RBFOX1: variants seen among roughly 807,000 people sequenced by gnomAD.
RBFOX1 encodes RNA binding protein fox-1 homolog 1.
Under a neutral mutation model 57.7 loss-of-function variants are expected in RBFOX1, and 8 were observed. That is an observed-to-expected ratio of 0.14 (90% CI 0.08 to 0.25). The LOEUF (loss-of-function observed/expected upper bound fraction) is 0.25. Ranked by LOEUF, RBFOX1 falls within the 10% of genes least tolerant of loss-of-function variation. RBFOX1 has a pLI of 1.00. For synonymous variants in RBFOX1, 326 were observed against 222.4 expected (o/e 1.47, Z -4.15); for missense variants, 611 against 548.5 (o/e 1.11, Z -1.14).
chr16:7,445,868 C>G (rs2098803898), intron 4 of RBFOX1, among the ~76,000 whole-genome samples: 1 of 152,172 alleles, frequency 6.6e-6, no homozygotes, highest in Admixed American at 6.5e-5. Context: ...TAATAAATGT[C>G]TGTTGAATGC....
At chr16:7,467,171 C>T (rs747473624) in intron 4 of RBFOX1, among the ~76,000 whole-genome samples, 1 of 152,206 alleles carries the variant, frequency 6.6e-6, no homozygotes, top group South Asian at 2.1e-4. Context: ...AATCAGACTT[C>T]TTTGCATCCC....
In RBFOX1 at chr16:6,979,572, C is replaced by T. The variant is rs539789734; in HGVS notation, c.-15-72485C>T. Among the ~76,000 whole-genome samples, 5 of 152,296 alleles carry T rather than the reference C, an allele frequency of 3.3e-5. No individual in the cohort carries two copies. In the South Asian group the frequency reaches 1.0e-3, roughly 32 times the overall value. ...AATGCTTTTGCAAAAGAAGAGATAG[C>T]AGGATTGCAGCACAGTACAGGGGTG... On this transcript the variant is annotated intron_variant, in intron 3 of 15. Coordinates refer to ENST00000550418, the MANE Select transcript of RBFOX1 (RefSeq NM_018723.4).
At chr16:7,082,957 C>T (rs1354435742) in intron 4 of RBFOX1, among the ~76,000 whole-genome samples, 1 of 151,974 alleles carries the variant, frequency 6.6e-6, no homozygotes, top group Non-Finnish European at 1.5e-5. Context: ...AGCTCTGGAC[C>T]TACCAGCCTG....
At chr16:5,899,761 T>C (rs1396995710) in intron 4 of RBFOX1, among the ~76,000 whole-genome samples, 1 of 152,206 alleles carries the variant, frequency 6.6e-6, no homozygotes, top group Non-Finnish European at 1.5e-5. Context: ...TGAATGGGCA[T>C]GCTGAAAGCT....
chr16:6,862,081 A>G (rs1305456720), intron 3 of RBFOX1, among the ~76,000 whole-genome samples: 5 of 152,164 alleles, frequency 3.3e-5, no homozygotes, highest in Admixed American at 2.0e-4. Flanking sequence ...TTCGATGAGA[A>G]GATGTCATTG....
At chr16:6,988,858 C>T (rs1158132086) in intron 3 of RBFOX1, among the ~76,000 whole-genome samples, 1 of 151,496 alleles carries the variant, frequency 6.6e-6, no homozygotes, top group Non-Finnish European at 1.5e-5. Context: ...TGCATCCTCT[C>T]CCTCCTGGGT....
intron 2 of RBFOX1, among the ~76,000 whole-genome samples, chr16:6,477,739 T>C: frequency 6.6e-6 from 1 of 152,248 alleles, no homozygotes; most frequent in Non-Finnish European, 1.5e-5. Flanking sequence ...CTATGAAAGT[T>C]ATAGATACCA....
chr16:7,343,118 C>T (rs944016977), intron 4 of RBFOX1, among the ~76,000 whole-genome samples: 1 of 152,078 alleles, frequency 6.6e-6, no homozygotes, highest in Non-Finnish European at 1.5e-5. Flanking sequence ...CCACCCACAC[C>T]CCTGTTCCAT....
intron 2 of RBFOX1, among the ~76,000 whole-genome samples, chr16:5,493,119 C>G (rs1282745918): frequency 1.3e-5 from 2 of 152,158 alleles, no homozygotes; most frequent in African/African-American, 4.8e-5. Context: ...ACTGTATAGC[C>G]CTTTACAGAA....
intron 4 of RBFOX1, among the ~76,000 whole-genome samples, chr16:7,182,096 A>C (rs1379237468): frequency 6.6e-6 from 1 of 152,182 alleles, no homozygotes; most frequent in Non-Finnish European, 1.5e-5. Context: ...TGTTCATGAC[A>C]GTTCTTTAGT....
chr16:5,680,126 A>G (rs760485101), intron 3 of RBFOX1, among the ~76,000 whole-genome samples: 2 of 152,194 alleles, frequency 1.3e-5, no homozygotes, highest in Admixed American at 6.5e-5. Flanking sequence ...TGAGACTGGC[A>G]GAGGAGAAGG....
intron 2 of RBFOX1, among the ~76,000 whole-genome samples, chr16:6,431,717 C>T (rs1002521753): frequency 7.2e-5 from 11 of 151,996 alleles, no homozygotes; most frequent in African/African-American, 2.4e-4. Flanking sequence ...TTTTGAACTT[C>T]CAATGGGGTG....
chr16:6,360,159 A>G, intron 2 of RBFOX1, among the ~76,000 whole-genome samples: 1 of 152,010 alleles, frequency 6.6e-6, no homozygotes, highest in Non-Finnish European at 1.5e-5. Flanking sequence ...AAAAATATAG[A>G]TTTCAGCCTG....
Position 6,149,835 on chromosome 16 carries a change from G to T in RBFOX1, c.-127+129843G>T, listed in dbSNP as rs555497905. Among the ~76,000 whole-genome samples the T allele has an allele frequency of 2.0e-5, 3 of 152,308 alleles. No individual in the cohort carries two copies. In the South Asian group the frequency reaches 6.2e-4, roughly 32 times the overall value. ...AGAACGTTTATGGCCTAATAGCTTGGTAAAATGTGAATCTTCATGAAAGTG... is the reference window on the plus strand; with the variant it reads ...AGAACGTTTATGGCCTAATAGCTTGTTAAAATGTGAATCTTCATGAAAGTG... On this transcript the variant is annotated intron_variant, in intron 1 of 15. Coordinates refer to ENST00000550418, the MANE Select transcript of RBFOX1 (RefSeq NM_018723.4).
intron 4 of RBFOX1, among the ~76,000 whole-genome samples, chr16:7,476,967 T>G (rs1427385795): frequency 1.3e-5 from 2 of 152,176 alleles, no homozygotes; most frequent in African/African-American, 2.4e-5. Context: ...ATAGTGCAAT[T>G]GCATTGGTGT....
chr16:6,974,336 C>CTTTTTTTTTT (rs59299498), intron 3 of RBFOX1, among the ~76,000 whole-genome samples: 9 of 58,662 alleles, frequency 1.5e-4, no homozygotes, highest in Non-Finnish European at 2.1e-4. Context: ...TTTTCTTTTT[C>CTTTTTTTTTT]TTTTTTTTTT....
At chr16:6,688,578 T>G (rs2059774996) in intron 3 of RBFOX1, among the ~76,000 whole-genome samples, 1 of 152,222 alleles carries the variant, frequency 6.6e-6, no homozygotes, top group Non-Finnish European at 1.5e-5. Flanking sequence ...AACTGAAGAC[T>G]ACCAGAGGTG....
intron 2 of RBFOX1, among the ~76,000 whole-genome samples, chr16:5,527,091 C>T (rs891506777): frequency 6.6e-6 from 1 of 152,148 alleles, no homozygotes; most frequent in African/African-American, 2.4e-5. Context: ...CCAACTCTCA[C>T]CAGTCTGGAA....
intron 3 of RBFOX1, among the ~76,000 whole-genome samples, chr16:7,043,444 A>C (rs2046851461): frequency 6.6e-6 from 1 of 152,184 alleles, no homozygotes; most frequent in Non-Finnish European, 1.5e-5. Context: ...CATAGTCCTG[A>C]AATGCATCAA....
Sources: gnomAD v4.1 joint callset for allele counts (sites outside exome capture counted in the v4.1 genomes callset) on GRCh38, gnomAD v4.1.1 for gene constraint, MANE v1.5 for transcripts, NCBI Gene and HGNC (gene_info 2026-07-23, HGNC 2026-07-21) for gene names.